PCDH17: variants seen among roughly 807,000 people sequenced by gnomAD.
PCDH17 encodes protocadherin 17.
Under a neutral mutation model 67.7 loss-of-function variants are expected in PCDH17, and 21 were observed. The ratio of observed to expected loss-of-function variants is 0.31; its 90% CI spans 0.22 to 0.45. The LOEUF is 0.45. PCDH17 is among the 20% of genes least tolerant of loss of function. The probability of loss-of-function intolerance (pLI) is 1.00; values close to 1 mark genes in which losing one functional copy is unlikely to be tolerated. For missense variants in PCDH17, 1,471 were observed against 1,564.8 expected, an observed-to-expected ratio of 0.94 and a Z score of 1.01; for synonymous variants, 701 against 656.7, an observed-to-expected ratio of 1.07 and a Z score of -1.03.
intron 3 of PCDH17, among the ~76,000 whole-genome samples, chr13:57,715,096 G>C (rs9563523): frequency 6.6e-6 from 1 of 151,652 alleles, no homozygotes; most frequent in African/African-American, 2.4e-5. Context: ...ATTTAAAATG[G>C]TATTTTCAAT....
chr13:57,630,978 G>C (rs988794302), upstream of PCDH17, among the ~76,000 whole-genome samples: 4 of 151,930 alleles, frequency 2.6e-5, no homozygotes, highest in African/African-American at 9.7e-5. Context: ...GGAGCTCCCC[G>C]GGGTAGGAGC....
intron 1 of PCDH17, among the ~76,000 whole-genome samples, chr13:57,642,450 A>T (rs1954917321): frequency 6.6e-6 from 1 of 151,706 alleles, no homozygotes; most frequent in Admixed American, 6.6e-5. Context: ...GATATTCTGA[A>T]AGATTCTGAT....
chr13:57,714,814 A>G (rs1955804471), intron 3 of PCDH17, among the ~76,000 whole-genome samples: 1 of 151,818 alleles, frequency 6.6e-6, no homozygotes, highest in Non-Finnish European at 1.5e-5. Context: ...CAGCTCACTT[A>G]AAAGAGAAAA....
Position 57,727,879 on chromosome 13 carries a change from A to G in PCDH17, c.*2585A>G, listed in dbSNP as rs1955926485. On this transcript the variant is annotated 3_prime_UTR_variant, in exon 4 of 4. Coordinates refer to ENST00000377918, the MANE Select transcript of PCDH17 (RefSeq NM_001040429.3). ...TCTAAAGCAGTATGTAAATGAAACCAGCAAAGAGAGTAGGGTTTATTTTAT... is the reference window on the plus strand; with the variant it reads ...TCTAAAGCAGTATGTAAATGAAACCGGCAAAGAGAGTAGGGTTTATTTTAT... The G allele has an allele frequency of 6.6e-6, 1 of 152,566 alleles. No individual in the cohort carries two copies. Among genetic ancestry groups the G allele is most frequent in the Non-Finnish European group, 1.5e-5 (1 of 67,998 alleles). 9.5% of individuals were successfully genotyped at this position (152,566 alleles called of 1,614,324 possible).
In PCDH17 at chr13:57,661,624, AAG is replaced by A. The variant is rs201990398; in HGVS notation, c.2566-4832_2566-4831del. 4.1e-4 allele frequency among the ~76,000 whole-genome samples: 62 copies of A among 151,960 alleles called. No homozygotes were observed. The East Asian group carries it at 0.01, about 26-fold the overall frequency. On this transcript the variant is annotated intron_variant, in intron 1 of 3. Transcript: ENST00000377918. ...CTATGTTCCATGTTTGAGGGAGAGA[AAG>A]AGAGAGAGAGAAAAAGAGAATGTGT...
At chr13:57,659,965 G>A (rs1173409110) in intron 1 of PCDH17, among the ~76,000 whole-genome samples, 4 of 152,134 alleles carry the variant, frequency 2.6e-5, no homozygotes, top group African/African-American at 9.7e-5. Context: ...GGGTTCGGTG[G>A]CTTATGCCTG....
At chr13:57,704,776 G>C (rs1418875850) in intron 3 of PCDH17, among the ~76,000 whole-genome samples, 1 of 151,992 alleles carries the variant, frequency 6.6e-6, no homozygotes, top group Non-Finnish European at 1.5e-5. Context: ...TATTGCATTT[G>C]TGTGTAAGAT....
intron 3 of PCDH17, among the ~76,000 whole-genome samples, chr13:57,712,459 G>A (rs1447446173): frequency 6.6e-6 from 1 of 151,626 alleles, no homozygotes; most frequent in African/African-American, 2.4e-5. Flanking sequence ...AATGTGCTGT[G>A]AAAGCAAATG....
At chr13:57,672,923 A>G (rs1489494846) in intron 3 of PCDH17, among the ~76,000 whole-genome samples, 2 of 152,014 alleles carry the variant, frequency 1.3e-5, no homozygotes, top group Non-Finnish European at 2.9e-5. Flanking sequence ...GTAACCGGGT[A>G]TAGGGAGAAG....
intron 3 of PCDH17, among the ~76,000 whole-genome samples, chr13:57,690,300 T>C (rs1251590876): frequency 6.6e-6 from 1 of 151,736 alleles, no homozygotes; most frequent in African/African-American, 2.4e-5. Context: ...AACATATGCT[T>C]TTCATATCCT....
chr13:57,671,568 T>G (rs911545204), intron 3 of PCDH17, among the ~76,000 whole-genome samples: 4 of 152,186 alleles, frequency 2.6e-5, no homozygotes, highest in Middle Eastern at 3.4e-3. Context: ...TTATTTTGAT[T>G]GTTAGCAATA....
rs182512328 is a variant in PCDH17 at position 57,690,435 on chromosome 13, A to G, written c.2797+23602A>G. ...ATCTTACTGTAATAAAGAGTGTAGGAGATTATATTCAAAGGTTCTTTATCT... is the reference window on the plus strand; with the variant it reads ...ATCTTACTGTAATAAAGAGTGTAGGGGATTATATTCAAAGGTTCTTTATCT... On this transcript the variant is annotated intron_variant, in intron 3 of 3. Transcript: ENST00000377918. Among the ~76,000 whole-genome samples the G allele has an allele frequency of 4.6e-3, 695 of 151,708 alleles. 1 individual carries two copies. Among genetic ancestry groups the G allele is most frequent in the Non-Finnish European group, 7.8e-3 (527 of 67,720 alleles).
intron 3 of PCDH17, among the ~76,000 whole-genome samples, chr13:57,686,571 T>C (rs1955510016): frequency 6.6e-6 from 1 of 151,838 alleles, no homozygotes. Flanking sequence ...TGAGTGGAAA[T>C]ATGAAGGTTT....
At chr13:57,707,350 T>TGTGC (rs1335400786) in intron 3 of PCDH17, among the ~76,000 whole-genome samples, 1 of 151,596 alleles carries the variant, frequency 6.6e-6, no homozygotes, top group East Asian at 1.9e-4. Context: ...TGTGTGTGTG[T>TGTGC]GTGTGTGTGT....
At chr13:57,700,609 G>A (rs1163650465) in intron 3 of PCDH17, among the ~76,000 whole-genome samples, 2 of 152,000 alleles carry the variant, frequency 1.3e-5, no homozygotes, top group East Asian at 3.9e-4. Context: ...AAGCTTAGAT[G>A]GATACATTTG....
chr13:57,698,311 T>G (rs1955630659), intron 3 of PCDH17, among the ~76,000 whole-genome samples: 1 of 151,828 alleles, frequency 6.6e-6, no homozygotes, highest in African/African-American at 2.4e-5. Context: ...TATTTTTTAT[T>G]CATATGCTTA....
chr13:57,692,697 C>T (rs1276120793), intron 3 of PCDH17, among the ~76,000 whole-genome samples: 2 of 150,994 alleles, frequency 1.3e-5, no homozygotes, highest in African/African-American at 2.4e-5. Context: ...TTCTTTCATT[C>T]TTACTCTTTT....
Position 57,724,984 on chromosome 13 carries a change from G to T in PCDH17, c.3170G>T (p.Cys1057Phe). The T allele has an allele frequency of 6.2e-7, 1 of 1,614,154 alleles. No homozygotes were observed. The highest frequency in any genetic ancestry group is 8.5e-7 in the Non-Finnish European group (1 of 1,180,026). The change falls in exon 4 of 4, where the codon TGT becomes TTT. Residue 1057 changes from cysteine (C) to phenylalanine (F), a missense_variant. Physicochemically the swap from Cys to Phe is radical, Grantham distance 205. Around this residue, in one of 3 missense-constraint regions of PCDH17, gnomAD observed 297 missense variants for 298.6 expected, o/e 0.99. Coordinates refer to ENST00000377918, the MANE Select transcript of PCDH17 (RefSeq NM_001040429.3). ...TCAACAAAAGGCTCCCTGGATGGCT[G>T]TGAAGCAAAACCAGGAGCCCTGGCT... ...CTSTKGSLDG[C>F]EAKPGALAEA... is the part of the protein sequence containing the mutation.
intron 3 of PCDH17, among the ~76,000 whole-genome samples, chr13:57,682,336 C>T (rs1372226748): frequency 2.0e-5 from 3 of 151,732 alleles, no homozygotes; most frequent in Non-Finnish European, 1.5e-5. Context: ...CCAGGCTACC[C>T]TTCTTACTCA....
Sources: gnomAD v4.1 joint callset for allele counts (sites outside exome capture counted in the v4.1 genomes callset) on GRCh38, gnomAD v4.1.1 for gene constraint, gnomAD v4.1.1 regional missense constraint, MANE v1.5 for transcripts, NCBI Gene and HGNC (gene_info 2026-07-23, HGNC 2026-07-21) for gene names.